TSPAN18: variants seen among roughly 807,000 people sequenced by gnomAD.
TSPAN18 encodes the protein tetraspanin 18.
A neutral mutation model predicts 27.3 loss-of-function variants in TSPAN18; 14 were observed. That is an observed-to-expected ratio of 0.51 (90% CI 0.34 to 0.80). The LOEUF is 0.80. Ranked by LOEUF, TSPAN18 falls within the 30% of genes least tolerant of loss-of-function variation. The pLI is 0.01. For missense variants in TSPAN18, 268 were observed against 323.9 expected (o/e 0.83, Z 1.32); for synonymous variants, 143 against 136.5 (o/e 1.05, Z -0.33).
At chr11:44,767,465 A>C (rs1445132256) in intron 2 of TSPAN18, among the ~76,000 whole-genome samples, 4 of 152,222 alleles carry the variant, frequency 2.6e-5, no homozygotes, top group African/African-American at 9.6e-5. Context: ...CTCTGTGCCC[A>C]TGGTGGCACT....
intron 2 of TSPAN18, among the ~76,000 whole-genome samples, chr11:44,818,024 T>C (rs1856848524): frequency 6.6e-6 from 1 of 152,170 alleles, no homozygotes; most frequent in African/African-American, 2.4e-5. Flanking sequence ...ATCCAGGAAA[T>C]GGGGCTGGGG....
rs181265100 is a variant in TSPAN18 at position 44,923,665 on chromosome 11, C to T, written c.616-3009C>T. Among the ~76,000 whole-genome samples the T allele has an allele frequency of 3.9e-5, 6 of 152,306 alleles. 1 individual carries two copies. In the East Asian group the frequency reaches 1.2e-3, roughly 29 times the overall value. On this transcript the variant is annotated intron_variant, in intron 8 of 9. Coordinates refer to ENST00000520358, the MANE Select transcript of TSPAN18 (RefSeq NM_130783.5). ...TCGTGTGTGATCTTAAACAAGTTAG[C>T]CACTGCTCCTCCCTCCCTTTTCTTG...
At chr11:44,784,858 A>G (rs1399209896) in intron 2 of TSPAN18, among the ~76,000 whole-genome samples, 2 of 152,236 alleles carry the variant, frequency 1.3e-5, no homozygotes, top group East Asian at 3.8e-4. Flanking sequence ...GGCAAAAGGC[A>G]GGGTTGTGAG....
At chr11:44,799,877 C>G (rs1055811878) in intron 2 of TSPAN18, among the ~76,000 whole-genome samples, 3 of 152,180 alleles carry the variant, frequency 2.0e-5, no homozygotes, top group African/African-American at 4.8e-5. Flanking sequence ...GTCACCCAGT[C>G]TGGAGTGCAG....
intron 2 of TSPAN18, among the ~76,000 whole-genome samples, chr11:44,842,164 C>T (rs1179013394): frequency 6.6e-6 from 1 of 152,202 alleles, no homozygotes; most frequent in African/African-American, 2.4e-5. Context: ...AAGGTGGGCA[C>T]AGCCTCAGTC....
intron 9 of TSPAN18, 98 bp downstream of exon 9, chr11:44,926,855 C>T (rs1022579962): frequency 5.7e-6 from 8 of 1,404,714 alleles, no homozygotes; most frequent in African/African-American, 2.8e-5. Flanking sequence ...ATTTCCTTCA[C>T]CTGGGACCCA....
intron 2 of TSPAN18, among the ~76,000 whole-genome samples, chr11:44,795,044 G>T (rs1856316576): frequency 6.6e-6 from 1 of 152,094 alleles, no homozygotes; most frequent in Non-Finnish European, 1.5e-5. Flanking sequence ...CCACCTCAAA[G>T]ACCTGCTGCC....
At position 44,908,815 on chromosome 11, in the gene TSPAN18, G is replaced by GAAAGAAAGAAAGAAAGAAAGA. The variant is rs1554938139; in HGVS notation, c.64-875_64-874insGAAAGAAAAGAAAGAAAGAAA. Among the ~76,000 whole-genome samples, 521 of 115,228 alleles carry GAAAGAAAGAAAGAAAGAAAGA rather than the reference G, an allele frequency of 4.5e-3. 44 individuals are homozygous for GAAAGAAAGAAAGAAAGAAAGA. Among genetic ancestry groups the GAAAGAAAGAAAGAAAGAAAGA allele is most frequent in the East Asian group, 0.027 (126 of 4,642 alleles). 75.6% of individuals were successfully genotyped at this position (115,228 alleles called of 152,430 possible). A position where few individuals can be genotyped will look rare whatever the true frequency, so the allele number is the denominator to read the frequency against. On this transcript the variant is annotated intron_variant, in intron 4 of 9. Transcript: ENST00000520358. ...AGAAAGAAAGAAAGAAAGAAAGAAA[G>GAAAGAAAGAAAGAAAGAAAGA]AAAGAAAGAAAGAAAAAGAAAAATG...
chr11:44,783,399 CTT>C (rs575307346), intron 2 of TSPAN18, among the ~76,000 whole-genome samples: 30 of 141,968 alleles, frequency 2.1e-4, no homozygotes, highest in Admixed American at 2.1e-4. Context: ...TCTTTCTTTT[CTT>C]TTTTTTTTTT....
chr11:44,775,846 A>G (rs1855794628), intron 2 of TSPAN18, among the ~76,000 whole-genome samples: 2 of 152,234 alleles, frequency 1.3e-5, no homozygotes, highest in African/African-American at 4.8e-5. Flanking sequence ...GCTAAGTGGC[A>G]GACGATTTTT....
At chr11:44,864,767 C>A (rs543519914) in intron 3 of TSPAN18, among the ~76,000 whole-genome samples, 2 of 152,194 alleles carry the variant, frequency 1.3e-5, no homozygotes, top group African/African-American at 2.4e-5. Context: ...TTTTTCACCC[C>A]CCTTTGATGC....
intron 3 of TSPAN18, among the ~76,000 whole-genome samples, chr11:44,902,097 G>A (rs987948681): frequency 1.8e-4 from 28 of 152,328 alleles, no homozygotes; most frequent in African/African-American, 6.7e-4. Context: ...GGGGTGCAAG[G>A]CATTGTCCTG....
intron 2 of TSPAN18, among the ~76,000 whole-genome samples, chr11:44,834,646 TG>T (rs1857227477): frequency 6.6e-6 from 1 of 152,156 alleles, no homozygotes; most frequent in African/African-American, 2.4e-5. Flanking sequence ...ACCAGGCTGA[TG>T]TGGGTTCAGA....
chr11:44,799,025 A>T (rs1260281953), intron 2 of TSPAN18, among the ~76,000 whole-genome samples: 1 of 25,808 alleles, frequency 3.9e-5, no homozygotes, highest in African/African-American at 1.6e-4. Flanking sequence ...TCTGCACCCC[A>T]CCCCCTCCCA....
chr11:44,875,143 G>A (rs753844098), intron 3 of TSPAN18, among the ~76,000 whole-genome samples: 7 of 152,158 alleles, frequency 4.6e-5, no homozygotes, highest in Non-Finnish European at 1.0e-4. Flanking sequence ...CAGCCCATGT[G>A]GGCCTAGAAC....
chr11:44,764,516 T>C lies in TSPAN18; in HGVS notation c.-153+4T>C, dbSNP rs1035541856. The stretch of plus-strand genomic sequence containing the variant: ...GGAAAGACACCAGTGGAAAGAGGTA[T>C]GATGTGGCAACATGGCAGGGTGGCA... On this transcript the variant is annotated splice_donor_region_variant and intron_variant, in intron 2 of 9. Coordinates refer to ENST00000520358, the MANE Select transcript of TSPAN18 (RefSeq NM_130783.5). 2 of 152,282 alleles carry C rather than the reference T, an allele frequency of 1.3e-5. No homozygotes were observed. The highest frequency in any genetic ancestry group is 2.4e-5 in the African/African-American group (1 of 41,452). The allele number at this position is 152,282 out of a possible 1,614,324, so 9.4% of individuals were successfully genotyped here.
intron 2 of TSPAN18, among the ~76,000 whole-genome samples, chr11:44,811,433 C>G (rs570379659): frequency 6.6e-6 from 1 of 151,296 alleles, no homozygotes; most frequent in Admixed American, 6.6e-5. Context: ...GTGATAAACT[C>G]CTTGATGACA....
Position 44,889,338 on chromosome 11 carries a change from C to T in TSPAN18, c.-10-17069C>T, listed in dbSNP as rs558010795. 3.5e-4 allele frequency among the ~76,000 whole-genome samples: 54 copies of T among 152,164 alleles called. No homozygotes were observed. The South Asian group carries it at 5.4e-3, about 15-fold the overall frequency. On this transcript the variant is annotated intron_variant, in intron 3 of 9. Transcript: ENST00000520358. ...GACATCTCAGAGTCCCTGACACACC[C>T]CAGCCATAGGCTCCAGCAGGGCTCA...
chr11:44,796,509 T>C (rs1856353441), intron 2 of TSPAN18, among the ~76,000 whole-genome samples: 1 of 152,152 alleles, frequency 6.6e-6, no homozygotes, highest in Non-Finnish European at 1.5e-5. Flanking sequence ...CGTCCCTGTT[T>C]CCAGCTGGGT....
Sources: allele counts gnomAD v4.1 joint callset (sites outside exome capture counted in the v4.1 genomes callset), GRCh38; gene constraint gnomAD v4.1.1; transcripts MANE v1.5; gene names NCBI Gene and HGNC (gene_info 2026-07-23, HGNC 2026-07-21).